KHDRBS1: variants seen among roughly 807,000 people sequenced by gnomAD.
KHDRBS1 encodes KH RNA binding domain containing, signal transduction associated 1.
In KHDRBS1, 7 loss-of-function variants were observed where a neutral mutation model predicts 48.4. That is an observed-to-expected ratio of 0.14 (90% CI 0.08 to 0.27). The LOEUF (loss-of-function observed/expected upper bound fraction) is 0.27. KHDRBS1 is among the 10% of genes least tolerant of loss of function. The pLI is 1.00. For synonymous variants in KHDRBS1, 241 were observed against 235.8 expected (o/e 1.02, Z -0.20); for missense variants, 458 against 601.2 (o/e 0.76, Z 2.49).
chr1:32,050,986 G>C (rs1041833935), intron 10 of KHDRBS1, among the ~76,000 whole-genome samples: 22 of 151,968 alleles, frequency 1.4e-4, no homozygotes, highest in African/African-American at 4.8e-4. Flanking sequence ...TGCCTCCCAG[G>C]TTCAAGTTCA....
chr1:32,021,048 T>C (rs550771346), intron 1 of KHDRBS1, among the ~76,000 whole-genome samples: 1 of 152,278 alleles, frequency 6.6e-6, no homozygotes, highest in South Asian at 2.1e-4. Context: ...CAAAATGTTA[T>C]GGGGAAAACT....
intron 10 of KHDRBS1, among the ~76,000 whole-genome samples, chr1:32,049,424 C>CTT (rs200632932): frequency 3.1e-4 from 44 of 140,968 alleles, no homozygotes; most frequent in African/African-American, 1.1e-3. Context: ...CTACTTTGTT[C>CTT]TTTTTTTTTT....
At chr1:32,044,255 T>G (rs2124393347), downstream of KHDRBS1, among the ~76,000 whole-genome samples, 1 of 152,334 alleles carries the variant, frequency 6.6e-6, no homozygotes, top group Admixed American at 6.5e-5. Context: ...CCTAGGTGGC[T>G]CTAAAGTGTG....
intron 1 of KHDRBS1, among the ~76,000 whole-genome samples, chr1:32,029,034 A>C (rs1639030935): frequency 6.6e-6 from 1 of 152,044 alleles, no homozygotes; most frequent in South Asian, 2.1e-4. Context: ...GGCTCTTATT[A>C]AGTCCTCCAT....
Position 32,031,784 on chromosome 1 carries a change from T to G in KHDRBS1, c.624+144T>G, listed in dbSNP as rs1381417939. 6.0e-6 allele frequency: 3 copies of G among 502,930 alleles called. No homozygotes were observed. The South Asian group carries it at 9.7e-5, about 16-fold the overall frequency. 31.2% of individuals were successfully genotyped at this position (502,930 alleles called of 1,614,324 possible). A position where few individuals can be genotyped will look rare whatever the true frequency, so the allele number is the denominator to read the frequency against. ...TAAGTTTGCACTGGATGCAAGAGAT[T>G]ATACACCAAGTTAATTTACTTGGCT... is the stretch of plus-strand genomic sequence containing the variant. On this transcript the variant is annotated intron_variant, in intron 3 of 8. Coordinates refer to ENST00000327300, the MANE Select transcript of KHDRBS1 (RefSeq NM_006559.3).
At chr1:32,014,439 C>G in intron 1 of KHDRBS1, 62 bp downstream of exon 1, 2 of 1,264,680 alleles carry the variant, frequency 1.6e-6, no homozygotes, top group Admixed American at 4.0e-5. Context: ...GTGGCCCTGG[C>G]TTTGTTCCTC....
intron 1 of KHDRBS1, among the ~76,000 whole-genome samples, chr1:32,019,344 G>GT (rs1257958852): frequency 6.6e-6 from 1 of 151,998 alleles, no homozygotes; most frequent in African/African-American, 2.4e-5. Context: ...GAGGTCAGGA[G>GT]TTTAAGACCA....
intron 10 of KHDRBS1, among the ~76,000 whole-genome samples, chr1:32,053,446 G>A (rs929895271): frequency 3.3e-5 from 5 of 152,028 alleles, no homozygotes; most frequent in African/African-American, 9.7e-5. Flanking sequence ...GCTGGAGTGC[G>A]GTGGTGTGAT....
intron 8 of KHDRBS1, 84 bp downstream of exon 8, chr1:32,039,657 C>CCAGCCTGGCCAAGATGGTG: frequency 1.3e-6 from 1 of 792,236 alleles, no homozygotes; most frequent in Non-Finnish European, 2.3e-6. Flanking sequence ...GAGAGTCAGA[C>CCAGCCTGGCCAAGATGGTG]AAACACACCT....
chr1:32,038,081 T>A (rs1271493617), intron 6 of KHDRBS1, 45 bp downstream of exon 6: 4 of 1,604,414 alleles, frequency 2.5e-6, no homozygotes, highest in South Asian at 1.1e-5. Context: ...CCTAGAAGGC[T>A]GCTAAAGGAA....
chr1:32,051,141 G>T (rs762231584), intron 10 of KHDRBS1, among the ~76,000 whole-genome samples: 1 of 151,980 alleles, frequency 6.6e-6, no homozygotes, highest in Non-Finnish European at 1.5e-5. Flanking sequence ...CAGGTGATCC[G>T]CCCGCATCAG....
chr1:32,014,439 C>T (rs969534188), intron 1 of KHDRBS1, 62 bp downstream of exon 1: 12 of 1,264,560 alleles, frequency 9.5e-6, no homozygotes, highest in Non-Finnish European at 1.2e-5. Context: ...GTGGCCCTGG[C>T]TTTGTTCCTC....
downstream of KHDRBS1, among the ~76,000 whole-genome samples, chr1:32,045,638 G>A (rs758378393): frequency 1.3e-5 from 2 of 152,186 alleles, no homozygotes; most frequent in Admixed American, 1.3e-4. Flanking sequence ...AACCTGATGA[G>A]GTGGTGTTCC....
intron 8 of KHDRBS1, 45 bp from the exon 9 acceptor site, chr1:32,042,482 T>A (rs369613795): frequency 1.1e-5 from 14 of 1,311,142 alleles, no homozygotes; most frequent in Middle Eastern, 3.6e-4. Context: ...TATCCCTAAG[T>A]GCTGTCGCCA....
intron 1 of KHDRBS1, among the ~76,000 whole-genome samples, chr1:32,017,788 G>A (rs1354117142): frequency 6.6e-6 from 1 of 151,572 alleles, no homozygotes; most frequent in African/African-American, 2.4e-5. Context: ...CGTATTTTTA[G>A]TAGAGACGGG....
chr1:32,053,050 G>A (rs1249083383), intron 10 of KHDRBS1, among the ~76,000 whole-genome samples: 1 of 152,148 alleles, frequency 6.6e-6, no homozygotes, highest in Non-Finnish European at 1.5e-5. Flanking sequence ...CTACTTGAAA[G>A]GCTGAGTCAG....
chr1:32,014,752 G>T (rs561942625), intron 1 of KHDRBS1, among the ~76,000 whole-genome samples: 3 of 152,166 alleles, frequency 2.0e-5, no homozygotes, highest in African/African-American at 7.2e-5. Flanking sequence ...CTTTTTGATC[G>T]CGGGTGGCGA....
chr1:32,036,049 G>A (rs2124382591), intron 4 of KHDRBS1, among the ~76,000 whole-genome samples: 1 of 152,014 alleles, frequency 6.6e-6, no homozygotes, highest in Non-Finnish European at 1.5e-5. Flanking sequence ...CACATCTAGA[G>A]TCTGCCATTT....
rs200585423 is a variant in KHDRBS1, at chr1:32,031,604, T to A, written c.588T>A (p.Ser196=). 2.7e-5 allele frequency: 44 copies of A among 1,611,084 alleles called. No individual in the cohort carries two copies. The highest frequency in any genetic ancestry group is 4.2e-6 in the Non-Finnish European group (5 of 1,178,388). The change falls in exon 3 of 9, where the codon TCT becomes TCA. Residue 196 remains serine (S), a synonymous_variant. Coordinates refer to ENST00000327300, the MANE Select transcript of KHDRBS1 (RefSeq NM_006559.3). ...RLQEETGAKI[S]VLGKGSMRDK... is the part of the protein sequence containing the mutation. ...AGGAAGAGACTGGTGCAAAGATCTCTGTATTGGGAAAGGGCTCAATGAGAG... is the reference window on the plus strand; with the variant it reads ...AGGAAGAGACTGGTGCAAAGATCTCAGTATTGGGAAAGGGCTCAATGAGAG...
Sources: gnomAD v4.1 joint callset for allele counts (sites outside exome capture counted in the v4.1 genomes callset) on GRCh38, gnomAD v4.1.1 for gene constraint, MANE v1.5 for transcripts, NCBI Gene and HGNC (gene_info 2026-07-23, HGNC 2026-07-21) for gene names.